Variants in GLI3 observed in about 807,000 individuals in gnomAD.
GLI3 encodes GLI family zinc finger 3.
A neutral mutation model predicts 100.8 loss-of-function variants in GLI3; 20 were observed. The ratio of observed to expected loss-of-function variants is 0.20; its 90% CI spans 0.14 to 0.29. The LOEUF (loss-of-function observed/expected upper bound fraction) is 0.29. GLI3 is among the 10% of genes least tolerant of loss of function. GLI3 has a pLI of 1.00. For synonymous variants in GLI3, 938 were observed against 860.5 expected (o/e 1.09, Z -1.58); for missense variants, 2,040 against 2,128.5 (o/e 0.96, Z 0.82).
At chr7:42,238,436 T>G (rs1253681540), upstream of GLI3, among the ~76,000 whole-genome samples, 1 of 152,220 alleles carries the variant, frequency 6.6e-6, no homozygotes, top group Admixed American at 6.5e-5. Flanking sequence ...ATGATGCCTT[T>G]GGAAGTTCAG....
At chr7:42,202,319 G>GTCTCTC (rs35402770) in intron 2 of GLI3, among the ~76,000 whole-genome samples, 29 of 124,796 alleles carry the variant, frequency 2.3e-4, no homozygotes, top group Admixed American at 5.1e-4. Flanking sequence ...CATAGAATCT[G>GTCTCTC]TCTCTCTCTC....
chr7:42,178,996 GGGCAGTAT>G (rs1375711852), intron 2 of GLI3, among the ~76,000 whole-genome samples: 1 of 152,162 alleles, frequency 6.6e-6, no homozygotes, highest in Non-Finnish European at 1.5e-5. Context: ...AAAAGGCAGT[GGGCAGTAT>G]GGCTGGTGAT....
chr7:42,215,640 G>A (rs1788361467), intron 2 of GLI3, among the ~76,000 whole-genome samples: 1 of 152,142 alleles, frequency 6.6e-6, no homozygotes, highest in African/African-American at 2.4e-5. Context: ...ACATCATGCT[G>A]TGACTTCTTT....
rs1789309328 is a variant in GLI3, at chr7:42,032,010, T to C, written c.1029-5598A>G. Among the ~76,000 whole-genome samples, 3 of 152,312 alleles carry C rather than the reference T, an allele frequency of 2.0e-5. No individual in the cohort carries two copies. The South Asian group carries it at 6.2e-4, about 32-fold the overall frequency. Reference sequence around the variant, plus strand: ...GTGTGATCAAAGTTTGCAAACTGGTTCTTGTTTCTTAGCATTACAGTAAAC... The same window carrying C: ...GTGTGATCAAAGTTTGCAAACTGGTCCTTGTTTCTTAGCATTACAGTAAAC... On this transcript the variant is annotated intron_variant, in intron 7 of 14. Coordinates refer to ENST00000395925, the MANE Select transcript of GLI3 (RefSeq NM_000168.6).
chr7:42,262,512 G>A lies in GLI3; in HGVS notation c.-43+1482C>T, dbSNP rs1430364263. On this transcript the variant is annotated intron_variant, in intron 1 of 2. Transcript: ENST00000678978. Reference sequence around the variant, plus strand: ...TGGGCTCAAGCCATCCTCCTGCCCCGGCCTCCCAAAGTACTGGGATTACAG... The same window carrying A: ...TGGGCTCAAGCCATCCTCCTGCCCCAGCCTCCCAAAGTACTGGGATTACAG... 2.6e-5 allele frequency among the ~76,000 whole-genome samples: 4 copies of A among 152,092 alleles called. No individual in the cohort carries two copies. The South Asian group carries it at 6.2e-4, about 24-fold the overall frequency.
intron 2 of GLI3, among the ~76,000 whole-genome samples, chr7:42,191,786 T>A (rs1247161616): frequency 6.6e-6 from 1 of 152,104 alleles, no homozygotes; most frequent in African/African-American, 2.4e-5. Context: ...TGTCCACCTT[T>A]TAAAGGTGAG....
intron 2 of GLI3, among the ~76,000 whole-genome samples, chr7:42,191,828 G>A (rs1787834335): frequency 6.6e-6 from 1 of 151,996 alleles, no homozygotes; most frequent in Admixed American, 6.6e-5. Flanking sequence ...TAAATATCCT[G>A]CCCGAAGTCT....
intron 1 of GLI3, among the ~76,000 whole-genome samples, chr7:42,253,337 G>A (rs1789052536): frequency 6.6e-6 from 1 of 152,158 alleles, no homozygotes. Context: ...ATCCAAGCCT[G>A]GTGTGCTCAG....
exon 1 of GLI3, chr7:42,237,207 TGTGCGAGC>T (rs1471455030): frequency 3.3e-4 from 50 of 150,174 alleles, no homozygotes; most frequent in African/African-American, 1.1e-3. Flanking sequence ...CGAGTGCGAG[TGTGCGAGC>T]GCGCCGGTGG....
chr7:42,051,408 A>C (rs1784348988), intron 4 of GLI3, among the ~76,000 whole-genome samples: 1 of 152,202 alleles, frequency 6.6e-6, no homozygotes, highest in Non-Finnish European at 1.5e-5. Context: ...AGCCTAGTAT[A>C]TACTGAATGC....
intron 2 of GLI3, among the ~76,000 whole-genome samples, chr7:42,170,075 A>C (rs1248068986): frequency 6.6e-6 from 1 of 150,846 alleles, no homozygotes; most frequent in East Asian, 2.0e-4. Context: ...CATGGTGAAA[A>C]CCTGCCTCTA....
intron 12 of GLI3, among the ~76,000 whole-genome samples, chr7:41,973,058 G>T (rs1251750790): frequency 6.6e-6 from 1 of 152,228 alleles, no homozygotes; most frequent in Non-Finnish European, 1.5e-5. Flanking sequence ...AGAAGAGATT[G>T]TGTGACAAAG....
rs139502685 is a variant in GLI3 at position 42,128,833 on chromosome 7, C to T, written c.367+19393G>A. Among the ~76,000 whole-genome samples, 10 of 152,146 alleles carry T rather than the reference C, an allele frequency of 6.6e-5. No homozygotes were observed. In the South Asian group the frequency reaches 1.9e-3, roughly 28 times the overall value. ...CCTTAATTCCTGTTATCACCCTGTG[C>T]GGCTGCCATTTCCACTCCCATTTTA... On this transcript the variant is annotated intron_variant, in intron 3 of 14. Coordinates refer to ENST00000395925, the MANE Select transcript of GLI3 (RefSeq NM_000168.6).
chr7:41,979,365 A>G (rs10244883), intron 10 of GLI3, among the ~76,000 whole-genome samples: 1,643 of 152,330 alleles, frequency 0.011, 38 homozygotes, highest in African/African-American at 0.038. Context: ...GTGGTCATCA[A>G]CAAATAAGTT....
chr7:42,128,362 A>G (rs1269429871), intron 3 of GLI3, among the ~76,000 whole-genome samples: 1 of 152,236 alleles, frequency 6.6e-6, no homozygotes, highest in East Asian at 1.9e-4. Context: ...TTTGGTTAAA[A>G]AAAAATAAAA....
rs539213484 is a variant in GLI3 at position 42,103,050 on chromosome 7, C to T, written c.368-26193G>A. 2.8e-4 allele frequency among the ~76,000 whole-genome samples: 42 copies of T among 152,274 alleles called. No homozygotes were observed. The Middle Eastern group carries it at 0.01, about 37-fold the overall frequency. On this transcript the variant is annotated intron_variant, in intron 3 of 14. Transcript: ENST00000395925. ...TTTTGGAGGGTAGAGAATCCGGAAG[C>T]GGCTTAGCTGAGTGGCTCCGGCTGA...
Position 42,223,116 on chromosome 7 carries a change from C to T in GLI3, c.124+14G>A. ...ACTCCAGGCTGGGCTGCTGGTAATC[C>T]CTGTGCTGCTCACCATTAGAAGTGG... On this transcript the variant is annotated intron_variant, in intron 2 of 14. Coordinates refer to ENST00000395925, the MANE Select transcript of GLI3 (RefSeq NM_000168.6). 6.2e-7 allele frequency: 1 copy of T among 1,613,596 alleles called. No homozygotes were observed. Among genetic ancestry groups the T allele is most frequent in the Non-Finnish European group, 8.5e-7 (1 of 1,179,708 alleles).
At chr7:42,160,337 G>A (rs563235446) in intron 2 of GLI3, among the ~76,000 whole-genome samples, 54 of 152,180 alleles carry the variant, frequency 3.5e-4, no homozygotes, top group African/African-American at 9.4e-4. Flanking sequence ...GAAGTCTTTC[G>A]GATTTGAAAT....
At chr7:42,014,577 T>A (rs978487121) in intron 10 of GLI3, among the ~76,000 whole-genome samples, 4 of 152,200 alleles carry the variant, frequency 2.6e-5, no homozygotes, top group Non-Finnish European at 5.9e-5. Context: ...TGTGTTTACA[T>A]CCACCAGTTT....
Sources: gnomAD v4.1 joint callset for allele counts (sites outside exome capture counted in the v4.1 genomes callset) on GRCh38, gnomAD v4.1.1 for gene constraint, MANE v1.5 for transcripts, NCBI Gene and HGNC (gene_info 2026-07-23, HGNC 2026-07-21) for gene names.